Variants in SLC39A11 observed in about 807,000 individuals in gnomAD.
The protein encoded by SLC39A11 is zinc transporter ZIP11.
Under a neutral mutation model 36.1 loss-of-function variants are expected in SLC39A11, and 33 were observed. The ratio of observed to expected loss-of-function variants is 0.91; its 90% CI spans 0.69 to 1.22. SLC39A11 has a LOEUF of 1.22. Ranked by LOEUF, SLC39A11 falls within the 50% of genes most tolerant of loss-of-function variation. SLC39A11 has a pLI of 0.00. For missense variants in SLC39A11, 432 were observed against 430.3 expected (o/e 1.00, Z -0.03); for synonymous variants, 166 against 170.3 (o/e 0.97, Z 0.20).
chr17:72,888,432 G>A (rs1288725423), intron 5 of SLC39A11, among the ~76,000 whole-genome samples: 4 of 152,312 alleles, frequency 2.6e-5, no homozygotes, highest in African/African-American at 9.6e-5. Context: ...AACAGATGGG[G>A]TTAGTGGTTG....
chr17:72,660,155 C>T (rs1232136872), intron 7 of SLC39A11, among the ~76,000 whole-genome samples: 5 of 152,152 alleles, frequency 3.3e-5, no homozygotes, highest in African/African-American at 1.2e-4. Context: ...GCTTCCAGCT[C>T]GTGTCAGCAG....
chr17:72,976,039 G>A (rs889223795), intron 4 of SLC39A11, among the ~76,000 whole-genome samples: 24 of 151,238 alleles, frequency 1.6e-4, no homozygotes, highest in African/African-American at 4.6e-4. Flanking sequence ...GCGTGGTGGC[G>A]GGCACCTGTA....
intron 3 of SLC39A11, among the ~76,000 whole-genome samples, chr17:73,077,870 T>C (rs1271681560): frequency 6.6e-6 from 1 of 152,190 alleles, no homozygotes; most frequent in Non-Finnish European, 1.5e-5. Context: ...CTATCTGGTT[T>C]TGTTGGTTTG....
intron 4 of SLC39A11, among the ~76,000 whole-genome samples, chr17:72,970,555 A>G (rs2087361196): frequency 6.6e-6 from 1 of 150,578 alleles, no homozygotes; most frequent in Non-Finnish European, 1.5e-5. Context: ...CATCAGCTTA[A>G]AGCTACACAC....
intron 6 of SLC39A11, among the ~76,000 whole-genome samples, chr17:72,772,241 C>T (rs564955081): frequency 6.6e-6 from 1 of 152,170 alleles, no homozygotes; most frequent in Non-Finnish European, 1.5e-5. Flanking sequence ...TACAATTGTG[C>T]CTTCCTCTTC....
intron 7 of SLC39A11, among the ~76,000 whole-genome samples, chr17:72,720,125 GA>G (rs1404505800): frequency 6.6e-6 from 1 of 152,042 alleles, no homozygotes; most frequent in East Asian, 1.9e-4. Context: ...TAAAAGAGGT[GA>G]CCCAGGCTCT....
At chr17:73,065,967 TGAA>T (rs2059986251) in intron 3 of SLC39A11, among the ~76,000 whole-genome samples, 1 of 152,040 alleles carries the variant, frequency 6.6e-6, no homozygotes, top group Non-Finnish European at 1.5e-5. Flanking sequence ...ATGGCCACAA[TGAA>T]GGCACCTGGC....
At chr17:72,874,148 T>TGGA (rs2080780701) in intron 5 of SLC39A11, among the ~76,000 whole-genome samples, 2 of 152,218 alleles carry the variant, frequency 1.3e-5, no homozygotes, top group Non-Finnish European at 2.9e-5. Context: ...ACAGGCACCC[T>TGGA]TCCTTGATGA....
At chr17:72,794,332 G>A (rs2076817028) in intron 6 of SLC39A11, among the ~76,000 whole-genome samples, 2 of 152,230 alleles carry the variant, frequency 1.3e-5, no homozygotes, top group South Asian at 4.1e-4. Context: ...GAGGCAACCA[G>A]CCCCCACCAA....
intron 7 of SLC39A11, among the ~76,000 whole-genome samples, chr17:72,709,361 G>C (rs2073024294): frequency 6.6e-6 from 1 of 152,192 alleles, no homozygotes; most frequent in Admixed American, 6.5e-5. Context: ...GCCTCCCAAA[G>C]TGCTGGGAAT....
At chr17:72,944,841 C>T (rs1552844) in intron 5 of SLC39A11, among the ~76,000 whole-genome samples, 70,549 of 151,856 alleles carry the variant, frequency 0.46, 17,319 homozygotes, top group African/African-American at 0.63. Context: ...CCAAGGGTAC[C>T]GTTAAGTGCA....
intron 7 of SLC39A11, among the ~76,000 whole-genome samples, chr17:72,656,195 T>C (rs2070110704): frequency 6.6e-6 from 1 of 152,148 alleles, no homozygotes; most frequent in Non-Finnish European, 1.5e-5. Context: ...TACAAACCCA[T>C]GCCCTTCTGA....
At chr17:73,006,041 G>A (rs574999682) in intron 4 of SLC39A11, among the ~76,000 whole-genome samples, 106 of 152,172 alleles carry the variant, frequency 7.0e-4, no homozygotes, top group African/African-American at 2.0e-3. Flanking sequence ...GCCTGGCACC[G>A]TGCCTGAGAC....
At chr17:72,723,499 C>T (rs1007004033) in intron 7 of SLC39A11, among the ~76,000 whole-genome samples, 1 of 152,194 alleles carries the variant, frequency 6.6e-6, no homozygotes, top group East Asian at 1.9e-4. Context: ...CAAACACACA[C>T]AACCATCACC....
At chr17:72,806,345 G>A (rs920255396) in intron 6 of SLC39A11, among the ~76,000 whole-genome samples, 1 of 152,126 alleles carries the variant, frequency 6.6e-6, no homozygotes, top group African/African-American at 2.4e-5. Context: ...TTTTTCCTCA[G>A]AACTTTGAAA....
At chr17:72,951,034 G>A (rs1171199626) in intron 4 of SLC39A11, among the ~76,000 whole-genome samples, 1 of 151,704 alleles carries the variant, frequency 6.6e-6, no homozygotes, top group Non-Finnish European at 1.5e-5. Flanking sequence ...GGCCAAGGTG[G>A]GAGGATCACT....
chr17:72,844,568 C>T (rs1254940799), intron 6 of SLC39A11, among the ~76,000 whole-genome samples: 3 of 152,176 alleles, frequency 2.0e-5, no homozygotes, highest in African/African-American at 7.2e-5. Flanking sequence ...ACTTGAGAGG[C>T]CGAGGCAGGA....
At chr17:72,868,550 G>C (rs1406526799) in intron 5 of SLC39A11, among the ~76,000 whole-genome samples, 1 of 127,106 alleles carries the variant, frequency 7.9e-6, no homozygotes, top group Non-Finnish European at 1.6e-5. Context: ...GAGAGGCTAA[G>C]TCAGGAGGAT....
chr17:72,839,620 C>G (rs927188528), intron 6 of SLC39A11: 1 of 152,236 alleles, frequency 6.6e-6, no homozygotes, highest in African/African-American at 2.4e-5. Context: ...GACTTCTGGC[C>G]TCCAGAACTG....
Sources: allele counts gnomAD v4.1 joint callset (sites outside exome capture counted in the v4.1 genomes callset), GRCh38; gene constraint gnomAD v4.1.1; transcripts MANE v1.5; gene names NCBI Gene and HGNC (gene_info 2026-07-23, HGNC 2026-07-21).